Variants in COG1 observed in about 807,000 individuals in gnomAD.
The protein encoded by COG1 is conserved oligomeric Golgi complex subunit 1.
A neutral mutation model predicts 102.2 loss-of-function variants in COG1; 61 were observed. The observed-to-expected ratio is 0.60, with a 90% CI of 0.49 to 0.74. The LOEUF is 0.74. Ranked by LOEUF, COG1 falls within the 30% of genes least tolerant of loss-of-function variation. The pLI is 0.00. For synonymous variants in COG1, 454 were observed against 493.6 expected, an observed-to-expected ratio of 0.92 and a Z score of 1.06; for missense variants, 1,164 against 1,232.1, an observed-to-expected ratio of 0.94 and a Z score of 0.83.
intron 8 of COG1, chr17:73,203,351 C>G (rs1309985057): frequency 2.2e-5 from 17 of 761,034 alleles, no homozygotes; most frequent in Non-Finnish European, 3.6e-5. Flanking sequence ...CCTTTTGTAG[C>G]ATAGGCTCTG....
chr17:73,200,864 A>G (rs773099602), intron 6 of COG1, 88 bp downstream of exon 6: 29 of 1,235,892 alleles, frequency 2.3e-5, no homozygotes, highest in Admixed American at 5.2e-5. Flanking sequence ...TCGCTTCCCA[A>G]GTATATTCTT....
chr17:73,205,779 A>AT, intron 10 of COG1, 99 bp downstream of exon 10: 2 of 1,457,502 alleles, frequency 1.4e-6, no homozygotes, highest in Non-Finnish European at 1.9e-6. Context: ...TATACTGCAC[A>AT]TTCATTGTGT....
Position 73,196,504 on chromosome 17 carries a change from C to T in COG1, c.316-3C>T, listed in dbSNP as rs764636550. On this transcript the variant is annotated splice_region_variant and splice_polypyrimidine_tract_variant and intron_variant, in intron 1 of 13. Transcript: ENST00000299886. The stretch of plus-strand genomic sequence containing the variant: ...TGGTTTAGTTCTGTGCCTTCCCCTG[C>T]AGCCACAGCAGCCATCCCAGGAGAA... 3.1e-6 allele frequency: 5 copies of T among 1,614,036 alleles called. No homozygotes were observed. In the African/African-American group the frequency reaches 6.7e-5, roughly 22 times the overall value.
At chr17:73,199,762 T>C (rs1418179822) in intron 4 of COG1, 103 bp from the exon 5 acceptor site, 3 of 1,352,720 alleles carry the variant, frequency 2.2e-6, no homozygotes, top group Middle Eastern at 2.4e-4. Context: ...TTTGTAGAGG[T>C]GAGGTTTCAC....
chr17:73,197,257 A>G lies in COG1; in HGVS notation c.774A>G (p.Leu258=). 1 of 1,614,224 alleles carries G rather than the reference A, an allele frequency of 6.2e-7. No individual in the cohort carries two copies. Among genetic ancestry groups the G allele is most frequent in the Non-Finnish European group, 8.5e-7 (1 of 1,180,048 alleles). Residue 258 remains leucine (L), a synonymous_variant, in exon 4 of 14, where the codon TTA becomes TTG. Coordinates refer to ENST00000299886, the MANE Select transcript of COG1 (RefSeq NM_018714.3). ...GAGIKAQICS[L]VELLATTLKQ... ...GTATCAAGGCTCAGATTTGCTCATTAGTGGAGTTGCTGGCCACCACTCTGA... is the reference window on the plus strand; with the variant it reads ...GTATCAAGGCTCAGATTTGCTCATTGGTGGAGTTGCTGGCCACCACTCTGA...
intron 13 of COG1, chr17:73,207,665 G>GT: frequency 1.5e-6 from 2 of 1,295,388 alleles, no homozygotes; most frequent in South Asian, 2.5e-5. Flanking sequence ...TTCCCCAAAA[G>GT]TTTGACATTT....
At chr17:73,195,307 C>T (rs138038673) in intron 1 of COG1, among the ~76,000 whole-genome samples, 325 of 152,118 alleles carry the variant, frequency 2.1e-3, no homozygotes, top group African/African-American at 4.0e-3. Flanking sequence ...GGAAACTTGA[C>T]GAGAAAAAAA....
Position 73,206,731 on chromosome 17 carries a change from T to C in COG1, c.2643T>C (p.Gly881=), listed in dbSNP as rs776105288. ...RTSVLFGLVT[G]TENQLAPRSS... The stretch of plus-strand genomic sequence containing the variant: ...AGGTTCTGTTTGGATTGGTGACTGG[T>C]ACAGAGAATCAGCTCGCCCCCCGGA... The change falls in exon 12 of 14, where the codon GGT becomes GGC. Residue 881 remains glycine (G), a synonymous_variant. Coordinates refer to ENST00000299886, the MANE Select transcript of COG1 (RefSeq NM_018714.3). 1 of 1,611,688 alleles carries C rather than the reference T, an allele frequency of 6.2e-7. No individual in the cohort carries two copies. The highest frequency in any genetic ancestry group is 1.1e-5 in the South Asian group (1 of 90,980).
At chr17:73,200,918 C>G in intron 6 of COG1, 142 bp downstream of exon 6, 1 of 945,866 alleles carries the variant, frequency 1.1e-6, no homozygotes, top group Non-Finnish European at 1.7e-6. Flanking sequence ...TGAAAATACA[C>G]CAGGCCTCTG....
chr17:73,201,310 C>T lies in COG1; in HGVS notation c.1483C>T (p.Arg495Trp), dbSNP rs746583075. 1.9e-5 allele frequency: 31 copies of T among 1,614,080 alleles called. No individual in the cohort carries two copies. Among genetic ancestry groups the T allele is most frequent in the South Asian group, 3.3e-5 (3 of 91,088 alleles). The change falls in exon 7 of 14, where the codon CGG becomes TGG. Residue 495 changes from arginine (R) to tryptophan (W), a missense_variant. Arg to Trp is a moderately radical substitution (Grantham distance 101). Coordinates refer to ENST00000299886, the MANE Select transcript of COG1 (RefSeq NM_018714.3). Reference sequence around the variant, plus strand: ...TGCGGCCTGGGTCAGCGTGGCAAACCGGGGTCAGTTTGCCAGTAGCGGCCT... The same window carrying T: ...TGCGGCCTGGGTCAGCGTGGCAAACTGGGGTCAGTTTGCCAGTAGCGGCCT... The part of the protein sequence containing the change: ...SDAAWVSVAN[R>W]GQFASSGLSM...
chr17:73,195,486 T>C (rs531740893), intron 1 of COG1, among the ~76,000 whole-genome samples: 3 of 152,072 alleles, frequency 2.0e-5, no homozygotes, highest in Admixed American at 6.5e-5. Context: ...TGGTGGCACA[T>C]GCCTGTGGTC....
intron 7 of COG1, among the ~76,000 whole-genome samples, chr17:73,202,580 G>A (rs1247643546): frequency 6.6e-6 from 1 of 152,024 alleles, no homozygotes; most frequent in Non-Finnish European, 1.5e-5. Flanking sequence ...GTGAACCCAG[G>A]AATTCAAGAC....
chr17:73,206,747 G>GCC lies in COG1; in HGVS notation c.2664_2665dup (p.Arg889ProfsTer29), dbSNP rs747606976. The GCC allele has an allele frequency of 6.2e-7, 1 of 1,611,150 alleles. No homozygotes were observed. The highest frequency in any genetic ancestry group is 1.4e-5 in the African/African-American group (1 of 73,916). The stretch of plus-strand genomic sequence containing the variant: ...GGTGACTGGTACAGAGAATCAGCTC[G>GCC]CCCCCCGGAGCAGTACGTTCAACTC... On this transcript the variant is annotated frameshift_variant, in exon 12 of 14. Transcript: ENST00000299886. LOFTEE classifies it high-confidence loss of function.
intron 4 of COG1, among the ~76,000 whole-genome samples, chr17:73,198,885 G>A (rs1022745398): frequency 1.3e-5 from 2 of 152,220 alleles, no homozygotes; most frequent in Admixed American, 6.5e-5. Context: ...AGAAGAGTGC[G>A]GTGGTGGCCA....
Position 73,201,432 on chromosome 17 carries a change from C to A in COG1, c.1605C>A (p.Tyr535Ter). 1 of 1,614,268 alleles carries A rather than the reference C, an allele frequency of 6.2e-7. No individual in the cohort carries two copies. The highest frequency in any genetic ancestry group is 8.5e-7 in the Non-Finnish European group (1 of 1,180,050). Residue 535 changes from tyrosine to a stop codon, truncating the protein, a stop_gained, in exon 7 of 14, where the codon TAC (tyrosine) becomes TAA (stop). Transcript: ENST00000299886. LOFTEE classifies it high-confidence loss of function. Reference sequence around the variant, plus strand: ...TTAAACTAGATGACCTCCTGGCTTACCTCCCCTCTGATGACTCATCACTGC... The same window carrying A: ...TTAAACTAGATGACCTCCTGGCTTAACTCCCCTCTGATGACTCATCACTGC... ...LKVKLDDLLAYLPSDDSSLPK... is the reference protein window; with the variant it reads ...LKVKLDDLLA
intron 1 of COG1, 129 bp from the exon 2 acceptor site, chr17:73,196,378 A>C: frequency 7.5e-7 from 1 of 1,328,760 alleles, no homozygotes; most frequent in East Asian, 2.3e-5. Context: ...TGACTTGCTG[A>C]GTTGTACTGA....
At chr17:73,199,541 A>G (rs1342670766) in intron 4 of COG1, among the ~76,000 whole-genome samples, 4 of 152,100 alleles carry the variant, frequency 2.6e-5, no homozygotes, top group Non-Finnish European at 4.4e-5. Context: ...GGAAAACTTG[A>G]TAAGTTTTGG....
rs1283466916 is a variant in COG1, at chr17:73,206,824, G to T, written c.2729+7G>T. On this transcript the variant is annotated splice_region_variant and intron_variant, in intron 12 of 13. Transcript: ENST00000299886. ...TGGCATCCAGTCAGATCAGGTAAAG[G>T]CTGCCAAGAGGCTTCTGCGGGGCAC... 1.9e-6 allele frequency: 3 copies of T among 1,606,080 alleles called. No homozygotes were observed. The highest frequency in any genetic ancestry group is 3.3e-5 in the Admixed American group (2 of 59,952).
intron 6 of COG1, 81 bp downstream of exon 6, chr17:73,200,857 C>T (rs1568296602): frequency 1.6e-6 from 2 of 1,256,096 alleles, no homozygotes; most frequent in East Asian, 4.6e-5. Context: ...ATTTCTGTCG[C>T]TTCCCAAGTA....
Sources: allele counts gnomAD v4.1 joint callset (sites outside exome capture counted in the v4.1 genomes callset), GRCh38; gene constraint gnomAD v4.1.1; transcripts MANE v1.5; gene names NCBI Gene and HGNC (gene_info 2026-07-23, HGNC 2026-07-21).